SMYD3: variants seen among roughly 807,000 people sequenced by gnomAD.
SMYD3 encodes histone-lysine N-methyltransferase SMYD3.
SMYD3 carries 36 observed loss-of-function variants against 57.7 expected under a neutral mutation model. The ratio of observed to expected loss-of-function variants is 0.62; its 90% CI spans 0.48 to 0.82. The LOEUF is 0.82. SMYD3 is among the 40% of genes least tolerant of loss of function. The pLI, the probability that SMYD3 is intolerant of heterozygous loss-of-function variation, is 0.00. For synonymous variants in SMYD3, 211 were observed against 195.0 expected (o/e 1.08, Z -0.68); for missense variants, 515 against 538.8 (o/e 0.96, Z 0.44).
At chr1:246,316,901 A>G (rs1050700504) in intron 5 of SMYD3, among the ~76,000 whole-genome samples, 48 of 151,378 alleles carry the variant, frequency 3.2e-4, no homozygotes, top group African/African-American at 1.2e-3. Context: ...AGGCTGAGGC[A>G]GGAGAATCGC....
At chr1:246,239,861 T>G (rs1374202749) in intron 5 of SMYD3, among the ~76,000 whole-genome samples, 2 of 152,218 alleles carry the variant, frequency 1.3e-5, no homozygotes, top group African/African-American at 4.8e-5. Context: ...GCACTTTTTA[T>G]GTGTCTGTTG....
At chr1:246,026,818 G>A (rs2059582608) in intron 5 of SMYD3, among the ~76,000 whole-genome samples, 1 of 152,200 alleles carries the variant, frequency 6.6e-6, no homozygotes, top group African/African-American at 2.4e-5. Context: ...GAAAGGAGGA[G>A]TTGCACATCT....
At chr1:246,414,310 T>C (rs1200026649) in intron 1 of SMYD3, among the ~76,000 whole-genome samples, 2 of 152,198 alleles carry the variant, frequency 1.3e-5, no homozygotes, top group Non-Finnish European at 2.9e-5. Flanking sequence ...TTTTTAAATG[T>C]TAAAGATTTT....
intron 1 of SMYD3, among the ~76,000 whole-genome samples, chr1:246,482,764 CA>C (rs1415691182): frequency 2.6e-5 from 4 of 152,152 alleles, no homozygotes; most frequent in Admixed American, 6.5e-5. Flanking sequence ...ATAAAAAACA[CA>C]AAGTGCTCCA....
At chr1:246,295,861 G>A (rs2064783683) in intron 5 of SMYD3, among the ~76,000 whole-genome samples, 1 of 152,170 alleles carries the variant, frequency 6.6e-6, no homozygotes, top group African/African-American at 2.4e-5. Flanking sequence ...GGACAAGAAA[G>A]TCAAAATTCA....
At chr1:246,045,811 A>G (rs2059953853) in intron 5 of SMYD3, among the ~76,000 whole-genome samples, 1 of 152,098 alleles carries the variant, frequency 6.6e-6, no homozygotes, top group Non-Finnish European at 1.5e-5. Context: ...AAAAGTGGGC[A>G]AAGGATATGA....
chr1:245,865,052 G>A (rs537240002), intron 8 of SMYD3, among the ~76,000 whole-genome samples: 21 of 152,200 alleles, frequency 1.4e-4, no homozygotes, highest in Non-Finnish European at 2.8e-4. Context: ...ACAGTGCCTG[G>A]CACATAGTAG....
At chr1:245,991,166 A>G (rs1294731431) in intron 5 of SMYD3, among the ~76,000 whole-genome samples, 1 of 152,214 alleles carries the variant, frequency 6.6e-6, no homozygotes, top group African/African-American at 2.4e-5. Context: ...AAATGCACTT[A>G]TTCATTAATT....
At position 246,017,593 on chromosome 1, in the gene SMYD3, G is replaced by A. The variant is rs548965565; in HGVS notation, c.532-87656C>T. ...AGGAGCATCACAGTCATGATGCTGA[G>A]TTCTCATATCCTATCACGTGGTACA... On this transcript the variant is annotated intron_variant, in intron 5 of 11. Coordinates refer to ENST00000490107, the MANE Select transcript of SMYD3 (RefSeq NM_001167740.2). Among the ~76,000 whole-genome samples, 90 of 152,318 alleles carry A rather than the reference G, an allele frequency of 5.9e-4. No homozygotes were observed. The South Asian group carries it at 0.018, about 30-fold the overall frequency.
At chr1:246,352,761 A>G (rs186350597) in intron 2 of SMYD3, among the ~76,000 whole-genome samples, 4 of 152,330 alleles carry the variant, frequency 2.6e-5, no homozygotes, top group Admixed American at 2.6e-4. Context: ...TTCTAATCAG[A>G]TAATGGCTTT....
intron 8 of SMYD3, 70 bp from the exon 9 acceptor site, chr1:245,863,956 T>C (rs753468208): frequency 2.3e-5 from 32 of 1,390,440 alleles, no homozygotes; most frequent in Non-Finnish European, 3.2e-5. Flanking sequence ...TAGACCTTTC[T>C]CCCAGATATA....
At chr1:246,409,692 G>T (rs1231435796) in intron 1 of SMYD3, among the ~76,000 whole-genome samples, 6 of 152,286 alleles carry the variant, frequency 3.9e-5, no homozygotes, top group African/African-American at 1.4e-4. Flanking sequence ...CTTTAAAGTA[G>T]TTTTTTCCAA....
chr1:246,238,219 A>T (rs971430836), intron 5 of SMYD3, among the ~76,000 whole-genome samples: 12 of 152,064 alleles, frequency 7.9e-5, no homozygotes, highest in African/African-American at 2.9e-4. Flanking sequence ...TGTTCTTGAG[A>T]TGGGTATCAT....
intron 5 of SMYD3, among the ~76,000 whole-genome samples, chr1:245,993,284 G>A (rs889050068): frequency 6.6e-6 from 1 of 152,116 alleles, no homozygotes; most frequent in Admixed American, 6.6e-5. Context: ...TTAGTAAGAG[G>A]TAGTCAGGAT....
chr1:246,398,109 C>T (rs1185595406), intron 1 of SMYD3, among the ~76,000 whole-genome samples: 1 of 152,132 alleles, frequency 6.6e-6, no homozygotes, highest in East Asian at 1.9e-4. Flanking sequence ...TCTGTAGGAG[C>T]AATTGGAGAA....
At chr1:246,214,973 C>A (rs1397116258) in intron 5 of SMYD3, among the ~76,000 whole-genome samples, 2 of 152,026 alleles carry the variant, frequency 1.3e-5, no homozygotes, top group African/African-American at 4.8e-5. Flanking sequence ...ACTTAATTTT[C>A]TTTATTTATG....
chr1:246,459,539 T>C (rs918276274), intron 1 of SMYD3, among the ~76,000 whole-genome samples: 1 of 152,226 alleles, frequency 6.6e-6, no homozygotes, highest in Non-Finnish European at 1.5e-5. Context: ...CACTCTCTCC[T>C]GCTCTGTCAT....
chr1:246,279,323 C>A (rs2064397527), intron 5 of SMYD3, among the ~76,000 whole-genome samples: 1 of 152,116 alleles, frequency 6.6e-6, no homozygotes, highest in African/African-American at 2.4e-5. Context: ...GAGTTCCAGA[C>A]CAGCCTGGCC....
At chr1:246,201,068 T>C (rs1285412084) in intron 5 of SMYD3, among the ~76,000 whole-genome samples, 1 of 152,224 alleles carries the variant, frequency 6.6e-6, no homozygotes, top group Non-Finnish European at 1.5e-5. Flanking sequence ...AATCAAAATA[T>C]GTTATTTGCT....
Sources: allele counts gnomAD v4.1 joint callset (sites outside exome capture counted in the v4.1 genomes callset), GRCh38; gene constraint gnomAD v4.1.1; transcripts MANE v1.5; gene names NCBI Gene and HGNC (gene_info 2026-07-23, HGNC 2026-07-21).